The following VDAC1 variants were observed in gnomAD, a reference collection of about 807,000 sequenced individuals.
VDAC1 encodes the protein voltage dependent anion channel 1, also known as non-selective voltage-gated ion channel VDAC1.
Under a neutral mutation model 34.7 loss-of-function variants are expected in VDAC1, and 10 were observed. That is an observed-to-expected ratio of 0.29 (90% confidence interval 0.18 to 0.49). The LOEUF (loss-of-function observed/expected upper bound fraction) is 0.49, where lower values mean the gene tolerates loss of function less well. Among genes scored for constraint, VDAC1 ranks in the 20% least tolerant of loss-of-function variants. The probability of loss-of-function intolerance (pLI) is 0.99; values close to 1 mark genes in which losing one functional copy is unlikely to be tolerated. For missense variants in VDAC1, 230 were observed against 347.9 expected, an observed-to-expected ratio of 0.66 and a Z score of 2.69; for synonymous variants, 130 against 136.0, an observed-to-expected ratio of 0.96 and a Z score of 0.30.
At chr5:133,984,658 G>C (rs375827193) in intron 5 of VDAC1, among the ~76,000 whole-genome samples, 1 of 152,148 alleles carries the variant, frequency 6.6e-6, no homozygotes, top group African/African-American at 2.4e-5. Context: ...AATGCCAGCC[G>C]GGCACAGTGC....
chr5:133,990,851 T>C lies in VDAC1; in HGVS notation c.323+4A>G, dbSNP rs1476983115. On this transcript the variant is annotated splice_donor_region_variant and intron_variant, in intron 5 of 8. Coordinates refer to ENST00000265333, the MANE Select transcript of VDAC1 (RefSeq NM_003374.3). ...CTTGTGGAGAAAACAGATGAAACTC[T>C]TACCCAGTGTTAGGTGAGAAGGATG... The C allele has an allele frequency of 3.2e-6, 5 of 1,540,648 alleles. No homozygotes were observed. The highest frequency in any genetic ancestry group is 4.4e-6 in the Non-Finnish European group (5 of 1,143,826).
the VDAC1 span, among the ~76,000 whole-genome samples, chr5:134,049,725 G>A: frequency 1.3e-5 from 2 of 151,956 alleles, no homozygotes; most frequent in African/African-American, 2.4e-5. Flanking sequence ...GAATACAGGC[G>A]CCCACCACCA....
chr5:134,041,663 T>C, the VDAC1 span, among the ~76,000 whole-genome samples: 5 of 152,168 alleles, frequency 3.3e-5, no homozygotes, highest in African/African-American at 1.2e-4. Context: ...ACGCAGGCCT[T>C]GCCTAACATC....
the VDAC1 span, among the ~76,000 whole-genome samples, chr5:134,013,182 G>A: frequency 3.9e-5 from 6 of 152,002 alleles, no homozygotes; most frequent in Non-Finnish European, 8.8e-5. Context: ...CATCAACCGC[G>A]GCAAAGAATT....
chr5:134,048,590 A>G, the VDAC1 span, among the ~76,000 whole-genome samples: 1 of 152,170 alleles, frequency 6.6e-6, no homozygotes, highest in South Asian at 2.1e-4. Flanking sequence ...TTAAATGTAT[A>G]GAAACTTCAT....
chr5:134,087,156 C>T, the VDAC1 span, among the ~76,000 whole-genome samples: 4 of 152,112 alleles, frequency 2.6e-5, no homozygotes. Context: ...TTTCAGAGGG[C>T]GCACACCGGG....
the VDAC1 span, among the ~76,000 whole-genome samples, chr5:134,030,431 G>A: frequency 3.9e-5 from 6 of 152,216 alleles, no homozygotes; most frequent in African/African-American, 9.6e-5. Flanking sequence ...GGAGGCCCCA[G>A]TAATGCATAG....
chr5:134,015,521 T>C, the VDAC1 span, among the ~76,000 whole-genome samples: 1 of 152,288 alleles, frequency 6.6e-6, no homozygotes, highest in East Asian at 1.9e-4. Context: ...GTCTATGGCA[T>C]TTTGTCATAG....
At chr5:133,979,842 G>C (rs936765465) in intron 6 of VDAC1, among the ~76,000 whole-genome samples, 2 of 152,142 alleles carry the variant, frequency 1.3e-5, no homozygotes, top group Non-Finnish European at 2.9e-5. Context: ...AACTCCCTCA[G>C]TCACTGCTTT....
chr5:133,992,252 A>T (rs969011823), intron 3 of VDAC1, 54 bp downstream of exon 3: 3 of 1,267,902 alleles, frequency 2.4e-6, no homozygotes, highest in African/African-American at 3.1e-5. Context: ...TAAATAAATA[A>T]AATAAAATAA....
chr5:134,044,052 G>A, the VDAC1 span, among the ~76,000 whole-genome samples: 2 of 152,228 alleles, frequency 1.3e-5, no homozygotes, highest in East Asian at 1.9e-4. Flanking sequence ...CACAGACTGC[G>A]ACTCAAACCA....
chr5:134,113,892 C>T, the VDAC1 span, among the ~76,000 whole-genome samples: 5 of 152,204 alleles, frequency 3.3e-5, no homozygotes, highest in Non-Finnish European at 1.5e-5. Context: ...CGACCCATGT[C>T]GGAATCCCGC....
chr5:134,025,338 C>T, the VDAC1 span, among the ~76,000 whole-genome samples: 34 of 152,104 alleles, frequency 2.2e-4, no homozygotes, highest in Non-Finnish European at 3.4e-4. Context: ...AGGGAGGGCA[C>T]CAAGCCATTC....
At chr5:134,065,389 T>C in the VDAC1 span, among the ~76,000 whole-genome samples, 4 of 147,960 alleles carry the variant, frequency 2.7e-5, no homozygotes, top group Admixed American at 2.8e-4. Context: ...CCATTCAGGC[T>C]GGAGTGCAGT....
chr5:134,022,915 G>A, the VDAC1 span, among the ~76,000 whole-genome samples: 1 of 152,154 alleles, frequency 6.6e-6, no homozygotes, highest in Admixed American at 6.6e-5. Flanking sequence ...AGACAGTGTG[G>A]CAATTCCTCA....
chr5:134,108,307 G>T, the VDAC1 span, among the ~76,000 whole-genome samples: 1 of 152,212 alleles, frequency 6.6e-6, no homozygotes, highest in Admixed American at 6.5e-5. Context: ...TGGGCAGAAA[G>T]CATTTATTAA....
At chr5:134,026,979 C>A in the VDAC1 span, among the ~76,000 whole-genome samples, 2 of 152,184 alleles carry the variant, frequency 1.3e-5, no homozygotes, top group East Asian at 3.9e-4. Flanking sequence ...CCAAGGGCAA[C>A]CTGGCCCTGG....
intron 1 of VDAC1, among the ~76,000 whole-genome samples, chr5:134,001,117 A>G (rs1753534937): frequency 6.6e-6 from 1 of 152,208 alleles, no homozygotes; most frequent in African/African-American, 2.4e-5. Context: ...CTGAACACCA[A>G]TTTTGACTTT....
the VDAC1 span, among the ~76,000 whole-genome samples, chr5:134,035,587 C>G: frequency 2.6e-5 from 4 of 152,204 alleles, no homozygotes; most frequent in African/African-American, 9.6e-5. Flanking sequence ...GATGATAACC[C>G]ACTGAATAAA....
Sources: allele counts gnomAD v4.1 joint callset (sites outside exome capture counted in the v4.1 genomes callset), GRCh38; gene constraint gnomAD v4.1.1; transcripts MANE v1.5; gene names NCBI Gene and HGNC (gene_info 2026-07-23, HGNC 2026-07-21).